The following FAM200B variants were observed in gnomAD, a reference collection of about 807,000 sequenced individuals.
FAM200B encodes zinc finger BED-type containing 11.
A neutral mutation model predicts 33.1 loss-of-function variants in FAM200B; 32 were observed. The observed-to-expected ratio is 0.97, with a 90% CI of 0.73 to 1.30. FAM200B has a LOEUF of 1.30. Among genes scored for constraint, FAM200B ranks in the 50% most tolerant of loss-of-function variants. FAM200B has a pLI of 0.00. For missense variants in FAM200B, 741 were observed against 754.0 expected (o/e 0.98, Z 0.20); for synonymous variants, 240 against 264.8 (o/e 0.91, Z 0.91).
the FAM200B span, among the ~76,000 whole-genome samples, chr4:15,670,246 A>C: frequency 6.6e-6 from 1 of 152,234 alleles, no homozygotes; most frequent in African/African-American, 2.4e-5. Context: ...CTTTGCATGA[A>C]CAAATATTTC....
At chr4:15,640,135 G>A in the FAM200B span, among the ~76,000 whole-genome samples, 2 of 152,034 alleles carry the variant, frequency 1.3e-5, no homozygotes, top group African/African-American at 4.8e-5. Context: ...CAACCTCTTG[G>A]GCTCAAGCAA....
the FAM200B span, chr4:15,655,299 C>T: frequency 7.2e-7 from 1 of 1,396,818 alleles, no homozygotes. Context: ...GCCACTGCCT[C>T]AGCCTCCGCC....
At chr4:15,647,222 C>CA in the FAM200B span, among the ~76,000 whole-genome samples, 14,782 of 36,588 alleles carry the variant, frequency 0.4, 3,430 homozygotes, top group Non-Finnish European at 0.48. Context: ...GACTCCATCT[C>CA]AAAAAAAAAA....
the FAM200B span, chr4:15,655,243 G>C: frequency 2.1e-6 from 3 of 1,442,582 alleles, no homozygotes; most frequent in Non-Finnish European, 2.8e-6. Context: ...TCATCCGCCA[G>C]TGTGGGGCGG....
At chr4:15,674,417 T>C in the FAM200B span, among the ~76,000 whole-genome samples, 1 of 152,140 alleles carries the variant, frequency 6.6e-6, no homozygotes, top group Non-Finnish European at 1.5e-5. Context: ...AACTTATGAA[T>C]ACATAGCACA....
At chr4:15,637,906 A>ATTTT in the FAM200B span, among the ~76,000 whole-genome samples, 1 of 151,704 alleles carries the variant, frequency 6.6e-6, no homozygotes, top group East Asian at 1.9e-4. Flanking sequence ...TTTTTTTAAA[A>ATTTT]AAAAAAAAAA....
chr4:15,664,703 G>A, the FAM200B span, among the ~76,000 whole-genome samples: 66 of 151,542 alleles, frequency 4.4e-4, no homozygotes, highest in African/African-American at 1.2e-3. Context: ...GATTACAGGC[G>A]CCTGATACCA....
At position 15,688,342 on chromosome 4, in the gene FAM200B, A is replaced by C. The variant is rs777510062; in HGVS notation, c.1365A>C (p.Gln455His). ...KLQGKNSDVF[Q>H]HVERIQGFRK... ...AGGGGAAAAACAGTGATGTATTCCA[A>C]CATGTTGAACGTATCCAGGGATTTC... Residue 455 changes from glutamine to histidine, a missense_variant, in exon 2 of 2, where the codon CAA (glutamine) becomes CAC (histidine). By Grantham distance (24) the Gln-to-His change is conservative. Transcript: ENST00000422728. 1 of 1,550,340 alleles carries C rather than the reference A, an allele frequency of 6.5e-7. No individual in the cohort carries two copies.
At chr4:15,677,949 CTGTGCTAACTTCAGGCAAT>C (rs1718057546), upstream of FAM200B, among the ~76,000 whole-genome samples, 1 of 152,008 alleles carries the variant, frequency 6.6e-6, no homozygotes, top group African/African-American at 2.4e-5. Flanking sequence ...TGTGTGGCAA[CTGTGCTAACTTCAGGCAAT>C]TAGTAACGAA....
upstream of FAM200B, among the ~76,000 whole-genome samples, chr4:15,679,418 G>A (rs1294724761): frequency 1.3e-5 from 2 of 151,936 alleles, no homozygotes; most frequent in African/African-American, 2.4e-5. Flanking sequence ...AAATAAACCT[G>A]AGTAATATTT....
intron 1 of FAM200B, among the ~76,000 whole-genome samples, chr4:15,685,682 TACAA>T (rs1718768091): frequency 6.6e-6 from 1 of 152,060 alleles, no homozygotes; most frequent in African/African-American, 2.4e-5. Context: ...GTACAATTAA[TACAA>T]ACAGTCATAA....
At chr4:15,655,766 T>G in the FAM200B span, among the ~76,000 whole-genome samples, 1 of 152,092 alleles carries the variant, frequency 6.6e-6, no homozygotes, top group African/African-American at 2.4e-5. Context: ...TTGGCCTGGG[T>G]GACCAATGCT....
At chr4:15,685,629 A>T (rs1193336038) in intron 1 of FAM200B, among the ~76,000 whole-genome samples, 1 of 152,118 alleles carries the variant, frequency 6.6e-6, no homozygotes, top group Non-Finnish European at 1.5e-5. Flanking sequence ...GTCATCAAGG[A>T]CCCACCTAGA....
At chr4:15,641,530 G>A in the FAM200B span, 15 of 419,236 alleles carry the variant, frequency 3.6e-5, no homozygotes, top group East Asian at 5.9e-4. Context: ...TTACCTTACT[G>A]TAAGAATCCA....
chr4:15,644,774 C>A, the FAM200B span: 1 of 1,136,932 alleles, frequency 8.8e-7, no homozygotes, highest in South Asian at 1.4e-5. Context: ...AAAAAATATT[C>A]AAATACATCC....
At chr4:15,644,352 T>C in the FAM200B span, 1 of 685,728 alleles carries the variant, frequency 1.5e-6, no homozygotes. Context: ...TTAAATAGTC[T>C]TCCTTGCCAT....
chr4:15,655,469 G>C, the FAM200B span: 1 of 876,114 alleles, frequency 1.1e-6, no homozygotes, highest in Admixed American at 6.2e-5. Flanking sequence ...GATCCCTGCG[G>C]CCCACGTGAC....
the FAM200B span, chr4:15,655,336 A>C: frequency 1.5e-6 from 2 of 1,316,278 alleles, no homozygotes; most frequent in Non-Finnish European, 2.0e-6. Context: ...CCGCCTCTCC[A>C]TAGACACCCT....
At chr4:15,661,910 A>G in the FAM200B span, among the ~76,000 whole-genome samples, 8 of 152,310 alleles carry the variant, frequency 5.3e-5, no homozygotes, top group Non-Finnish European at 1.0e-4. Context: ...GAGGCCTCAC[A>G]TCCTCATAGG....
Sources: gnomAD v4.1 joint callset for allele counts (sites outside exome capture counted in the v4.1 genomes callset) on GRCh38, gnomAD v4.1.1 for gene constraint, MANE v1.5 for transcripts, NCBI Gene and HGNC (gene_info 2026-07-23, HGNC 2026-07-21) for gene names.